TMBIM6: variants seen among roughly 807,000 people sequenced by gnomAD.
TMBIM6 encodes the protein transmembrane BAX inhibitor motif containing 6, also known as bax inhibitor 1.
Under a neutral mutation model 31.4 loss-of-function variants are expected in TMBIM6, and 13 were observed. That is an observed-to-expected ratio of 0.41 (90% CI 0.27 to 0.66). The LOEUF (loss-of-function observed/expected upper bound fraction) is 0.66. TMBIM6 is among the 30% of genes least tolerant of loss of function. The pLI is 0.28. For missense variants in TMBIM6, 275 were observed against 289.5 expected (o/e 0.95, Z 0.36); for synonymous variants, 85 against 101.7 (o/e 0.84, Z 0.99).
intron 6 of TMBIM6, 21 bp from the exon 7 acceptor site, chr12:49,758,662 G>C (rs1010815185): frequency 6.2e-7 from 1 of 1,613,250 alleles, no homozygotes. Flanking sequence ...TCTCAAGACA[G>C]CTTTTTGCTG....
chr12:49,761,912 A>G, intron 9 of TMBIM6, 133 bp downstream of exon 9: 2 of 826,358 alleles, frequency 2.4e-6, no homozygotes, highest in Middle Eastern at 2.3e-4. Flanking sequence ...CCACTGAGTA[A>G]GAGGTAAGCC....
At chr12:49,753,700 C>T (rs1414460963) in intron 3 of TMBIM6, among the ~76,000 whole-genome samples, 1 of 152,186 alleles carries the variant, frequency 6.6e-6, no homozygotes, top group African/African-American at 2.4e-5. Context: ...TGGCATTTGC[C>T]ACTGTTGAGA....
chr12:49,752,415 C>A, intron 1 of TMBIM6, 49 bp from the exon 2 acceptor site: 4 of 1,169,044 alleles, frequency 3.4e-6, no homozygotes, highest in South Asian at 1.6e-5. Flanking sequence ...ATAAGCTGTT[C>A]GTGTGATTCT....
chr12:49,755,944 C>T (rs1311916725), intron 4 of TMBIM6, among the ~76,000 whole-genome samples, 189 bp downstream of exon 4: 1 of 149,836 alleles, frequency 6.7e-6, no homozygotes, highest in Non-Finnish European at 1.5e-5. Context: ...CACCATTCTT[C>T]TGCTTTAGCC....
At position 49,755,767 on chromosome 12, in the gene TMBIM6, G is replaced by T. The variant is rs748751102; in HGVS notation, c.286+12G>T. The T allele has an allele frequency of 6.2e-6, 10 of 1,610,984 alleles. No homozygotes were observed. Among genetic ancestry groups the T allele is most frequent in the Non-Finnish European group, 8.5e-6 (10 of 1,178,764 alleles). ...TGCATTCCTTACAGGTACGTTAAGG[G>T]ATTTGTCTAATTTTGAGGGGTGAGC... is the stretch of plus-strand genomic sequence containing the variant. On this transcript the variant is annotated intron_variant, in intron 4 of 9. Coordinates refer to ENST00000267115, the MANE Select transcript of TMBIM6 (RefSeq NM_003217.3).
At chr12:49,759,845 G>T (rs564999587) in intron 8 of TMBIM6, among the ~76,000 whole-genome samples, 10 of 148,168 alleles carry the variant, frequency 6.7e-5, no homozygotes, top group Non-Finnish European at 1.0e-4. Context: ...GGGCACGGTG[G>T]CTCACGCCTG....
rs1945667137 is a variant in TMBIM6 at position 49,759,266 on chromosome 12, T to G, written c.559T>G (p.Phe187Val). Residue 187 changes from phenylalanine (F) to valine (V), a missense_variant, in exon 8 of 10, where the codon TTT becomes GTT. Phe to Val is a conservative substitution (Grantham distance 50). Coordinates refer to ENST00000267115, the MANE Select transcript of TMBIM6 (RefSeq NM_003217.3). ...GLVVMCGFVLFDTQLIIEKAE... is the reference protein window; with the variant it reads ...GLVVMCGFVLVDTQLIIEKAE... ...GGTGGTCATGTGTGGCTTCGTCCTTTTTGATACTCAACTCATTATTGAAAA... is the reference window on the plus strand; with the variant it reads ...GGTGGTCATGTGTGGCTTCGTCCTTGTTGATACTCAACTCATTATTGAAAA... The G allele has an allele frequency of 2.5e-6, 4 of 1,614,100 alleles. No homozygotes were observed. Among genetic ancestry groups the G allele is most frequent in the Admixed American group, 3.3e-5 (2 of 60,004 alleles).
chr12:49,764,064 T>C lies in TMBIM6; in HGVS notation c.*1168T>C, dbSNP rs1945770310. ...CTGATGCACTTTAGTTTTTGGTCTG[T>C]TACCTGTTTTCCAGAAATTTGTGGC... On this transcript the variant is annotated 3_prime_UTR_variant, in exon 10 of 10. Transcript: ENST00000267115. 6.6e-6 allele frequency: 1 copy of C among 152,224 alleles called. No individual in the cohort carries two copies. The highest frequency in any genetic ancestry group is 2.4e-5 in the African/African-American group (1 of 41,452). 9.4% of individuals were successfully genotyped at this position (152,224 alleles called of 1,614,324 possible).
intron 3 of TMBIM6, 35 bp downstream of exon 3, chr12:49,753,116 C>T (rs763874994): frequency 1.3e-6 from 2 of 1,580,040 alleles, no homozygotes; most frequent in Non-Finnish European, 1.7e-6. Context: ...TGCTGTGGTA[C>T]AAATTACATT....
At chr12:49,758,806 CTTCT>C (rs780468294) in intron 7 of TMBIM6, 44 bp downstream of exon 7, 1 of 1,384,406 alleles carries the variant, frequency 7.2e-7, no homozygotes, top group Non-Finnish European at 1.0e-6. Flanking sequence ...TTGCCTCACA[CTTCT>C]TTCTTTCCTT....
Position 49,752,533 on chromosome 12 carries a change from TTAAAATTTTCTCA to T in TMBIM6, c.43_55del (p.Lys15Ter). On this transcript the variant is annotated frameshift_variant, in exon 2 of 10. Transcript: ENST00000267115. LOFTEE classifies it high-confidence loss of function. ...TCGAAAGATCAACTTTGATGCGCTT[TTAAAATTTTCTCA>T]TATGTAAGTGTTTTGACCTTGACTG... The T allele has an allele frequency of 1.2e-6, 2 of 1,613,814 alleles. No homozygotes were observed. The highest frequency in any genetic ancestry group is 1.7e-6 in the Non-Finnish European group (2 of 1,179,962).
chr12:49,742,612 A>G (rs1945317805), intron 1 of TMBIM6: 1 of 203,436 alleles, frequency 4.9e-6, no homozygotes, highest in Admixed American at 5.7e-5. Context: ...TCAAAGGTAA[A>G]TAAATGGCAA....
At chr12:49,753,183 T>G (rs1434715510) in intron 3 of TMBIM6, 102 bp downstream of exon 3, 1 of 768,904 alleles carries the variant, frequency 1.3e-6, no homozygotes, top group Non-Finnish European at 2.1e-6. Flanking sequence ...TCTTTAATCT[T>G]TATCAGTAGT....
intron 4 of TMBIM6, among the ~76,000 whole-genome samples, chr12:49,757,728 G>A (rs1307097282): frequency 1.3e-5 from 2 of 152,168 alleles, no homozygotes; most frequent in South Asian, 2.1e-4. Context: ...TAATTAGAAC[G>A]AAAGAAATGT....
chr12:49,763,007 C>A lies in TMBIM6; in HGVS notation c.*111C>A. 1 of 1,234,204 alleles carries A rather than the reference C, an allele frequency of 8.1e-7. No homozygotes were observed. The highest frequency in any genetic ancestry group is 1.1e-6 in the Non-Finnish European group (1 of 879,288). The allele number at this position is 1,234,204 out of a possible 1,614,324, so 76.5% of individuals were successfully genotyped here. On this transcript the variant is annotated 3_prime_UTR_variant, in exon 10 of 10. Coordinates refer to ENST00000267115, the MANE Select transcript of TMBIM6 (RefSeq NM_003217.3). ...GTGATAATGAAAAGCATCAGAAAAG[C>A]TTTTGTACTTTGTGGTTTCCTCTAT...
intron 1 of TMBIM6, 175 bp downstream of exon 1, chr12:49,741,786 G>A: frequency 3.7e-6 from 1 of 269,458 alleles, no homozygotes. Flanking sequence ...GGGAAGCTAG[G>A]GAACTAGTGC....
rs1466187147 is a variant in TMBIM6 at position 49,761,854 on chromosome 12, A to AC, written c.690+75_690+76insC. The AC allele has an allele frequency of 2.5e-5, 37 of 1,458,252 alleles. No homozygotes were observed. In the Admixed American group the frequency reaches 6.4e-4, roughly 25 times the overall value. 90.3% of individuals were successfully genotyped at this position (1,458,252 alleles called of 1,614,324 possible). On this transcript the variant is annotated intron_variant, in intron 9 of 9. Transcript: ENST00000267115. The stretch of plus-strand genomic sequence containing the variant: ...GGCATGTGTGTATACTTCAGATTTG[A>AC]AAACTTGCTCACACACTGTGTTAGG...
intron 1 of TMBIM6, among the ~76,000 whole-genome samples, chr12:49,743,153 T>C (rs1945329212): frequency 6.6e-6 from 1 of 151,948 alleles, no homozygotes; most frequent in Admixed American, 6.6e-5. Context: ...AGCTAATTTT[T>C]GTATTTTTTG....
intron 1 of TMBIM6, chr12:49,742,232 A>G (rs777195147): frequency 6.2e-7 from 1 of 1,613,016 alleles, no homozygotes; most frequent in South Asian, 1.1e-5. Flanking sequence ...GCTGCCTTCC[A>G]GGCCCACGGG....
Sources: allele counts gnomAD v4.1 joint callset (sites outside exome capture counted in the v4.1 genomes callset), GRCh38; gene constraint gnomAD v4.1.1; transcripts MANE v1.5; gene names NCBI Gene and HGNC (gene_info 2026-07-23, HGNC 2026-07-21).